Variants in TBC1D14 observed in about 807,000 individuals in gnomAD.
TBC1D14 encodes TBC1 domain family, member 14.
Under a neutral mutation model 79.0 loss-of-function variants are expected in TBC1D14, and 26 were observed. That is an observed-to-expected ratio of 0.33 (90% CI 0.24 to 0.46). The LOEUF is 0.46. Ranked by LOEUF, TBC1D14 falls within the 20% of genes least tolerant of loss-of-function variation. The pLI, the probability that TBC1D14 is intolerant of heterozygous loss-of-function variation, is 1.00. For missense variants in TBC1D14, 769 were observed against 887.6 expected, an observed-to-expected ratio of 0.87 and a Z score of 1.70; for synonymous variants, 394 against 349.9, an observed-to-expected ratio of 1.13 and a Z score of -1.40.
chr4:6,994,873 A>C lies in TBC1D14; in HGVS notation c.962+571A>C, dbSNP rs1718852959. ...GAGCAAAACTCCGTCTCAAAAAAAA[A>C]AAAAAAAAGAAGCAGTGTGTCTTCT... is the stretch of plus-strand genomic sequence containing the variant. On this transcript the variant is annotated intron_variant, in intron 4 of 13. Coordinates refer to ENST00000409757, the MANE Select transcript of TBC1D14 (RefSeq NM_020773.3). Among the ~76,000 whole-genome samples the C allele has an allele frequency of 5.3e-5, 8 of 152,236 alleles. No homozygotes were observed. The South Asian group carries it at 1.7e-3, about 32-fold the overall frequency.
Position 6,967,396 on chromosome 4 carries a change from C to T in TBC1D14, c.815C>T (p.Ala272Val), listed in dbSNP as rs1560290605. Reference protein sequence around the residue: ...LFGKAPLRENAQKDSKRIQKE... With the variant: ...LFGKAPLRENVQKDSKRIQKE... ...GGGAAAGCGCCACTCCGAGAGAATG[C>T]CCAGAAGGATTCAAAGAGAATACAG... Residue 272 changes from alanine (A) to valine (V), a missense_variant, in exon 3 of 14, where the codon GCC (alanine) becomes GTC (valine). Around this residue, in one of 2 missense-constraint regions of TBC1D14, gnomAD observed 402 missense variants for 393.2 expected, o/e 1.02. Coordinates refer to ENST00000409757, the MANE Select transcript of TBC1D14 (RefSeq NM_020773.3). 6.2e-7 allele frequency: 1 copy of T among 1,613,728 alleles called. No individual in the cohort carries two copies. Among genetic ancestry groups the T allele is most frequent in the East Asian group, 2.2e-5 (1 of 44,862 alleles).
chr4:6,935,649 T>C (rs1371442856), intron 2 of TBC1D14, among the ~76,000 whole-genome samples: 1 of 29,512 alleles, frequency 3.4e-5, no homozygotes, highest in Non-Finnish European at 8.4e-5. Flanking sequence ...GTGAGTGTAC[T>C]TTTTTTTTTT....
intron 2 of TBC1D14, among the ~76,000 whole-genome samples, chr4:6,942,001 A>C (rs887961434): frequency 6.6e-6 from 1 of 152,230 alleles, no homozygotes; most frequent in Non-Finnish European, 1.5e-5. Flanking sequence ...TGAGAAACCC[A>C]TGGGCAAGCC....
chr4:6,979,690 A>T (rs1387625480), intron 3 of TBC1D14, among the ~76,000 whole-genome samples: 1 of 152,200 alleles, frequency 6.6e-6, no homozygotes, highest in East Asian at 1.9e-4. Context: ...AATATAGAAT[A>T]TGTAGATTAA....
chr4:6,996,319 G>C lies in TBC1D14; in HGVS notation c.963-6G>C. 6.2e-7 allele frequency: 1 copy of C among 1,612,582 alleles called. No individual in the cohort carries two copies. Among genetic ancestry groups the C allele is most frequent in the South Asian group, 1.1e-5 (1 of 91,036 alleles). ...AATGGTGAAAACTCATTTCTTTCCT[G>C]TCAAGAAATCTCCCAGCAAAACCAG... On this transcript the variant is annotated splice_polypyrimidine_tract_variant and splice_region_variant and intron_variant, in intron 4 of 13. Coordinates refer to ENST00000409757, the MANE Select transcript of TBC1D14 (RefSeq NM_020773.3).
At chr4:6,988,701 C>G (rs1474279367) in intron 3 of TBC1D14, among the ~76,000 whole-genome samples, 1 of 152,144 alleles carries the variant, frequency 6.6e-6, no homozygotes, top group Non-Finnish European at 1.5e-5. Flanking sequence ...TGACCCTTTC[C>G]TCTTCTAGGT....
At chr4:6,917,241 T>C (rs1723478830) in intron 1 of TBC1D14, among the ~76,000 whole-genome samples, 1 of 152,222 alleles carries the variant, frequency 6.6e-6, no homozygotes. Context: ...TAGTAATTAA[T>C]TCAGCGAGTA....
chr4:7,026,626 G>A (rs1722404727), intron 13 of TBC1D14, among the ~76,000 whole-genome samples: 1 of 152,162 alleles, frequency 6.6e-6, no homozygotes, highest in South Asian at 2.1e-4. Context: ...GCTGGGCACA[G>A]TGGCTCACAC....
chr4:7,002,864 T>A (rs1236431432), intron 7 of TBC1D14, among the ~76,000 whole-genome samples: 2 of 152,220 alleles, frequency 1.3e-5, no homozygotes, highest in Non-Finnish European at 2.9e-5. Flanking sequence ...GGATCTTATT[T>A]AATATTGACA....
intron 2 of TBC1D14, among the ~76,000 whole-genome samples, chr4:6,929,214 T>C (rs1207468274): frequency 1.3e-5 from 2 of 152,182 alleles, no homozygotes; most frequent in Non-Finnish European, 2.9e-5. Flanking sequence ...TCAGTCTCTC[T>C]GGGGCTTAGT....
chr4:7,027,629 A>G (rs1385850381), intron 13 of TBC1D14, among the ~76,000 whole-genome samples: 10 of 111,590 alleles, frequency 9.0e-5, no homozygotes, highest in Non-Finnish European at 1.9e-4. Context: ...TCCACACACA[A>G]TCACCCCACA....
chr4:6,949,217 C>T (rs1332181074), intron 2 of TBC1D14, among the ~76,000 whole-genome samples: 2 of 152,028 alleles, frequency 1.3e-5, no homozygotes, highest in Non-Finnish European at 2.9e-5. Flanking sequence ...GTAATCCCAG[C>T]ACTTGGGAGG....
chr4:6,958,376 T>TATATACACACACACACACAC (rs538972596), intron 2 of TBC1D14, among the ~76,000 whole-genome samples: 3 of 149,112 alleles, frequency 2.0e-5, no homozygotes, highest in Non-Finnish European at 3.0e-5. Flanking sequence ...TCCCCACATA[T>TATATACACACACACACACAC]ACACACACAC....
intron 1 of TBC1D14, among the ~76,000 whole-genome samples, chr4:6,911,093 G>T (rs1397561175): frequency 6.6e-6 from 1 of 152,162 alleles, no homozygotes; most frequent in Non-Finnish European, 1.5e-5. Flanking sequence ...AGCAGTCTTA[G>T]AACACTTCCT....
chr4:6,909,841 C>A lies in TBC1D14; in HGVS notation c.-128C>A, dbSNP rs1021780256. On this transcript the variant is annotated 5_prime_UTR_variant, in exon 1 of 14. Coordinates refer to ENST00000409757, the MANE Select transcript of TBC1D14 (RefSeq NM_020773.3). ...GCTCGCGCGCACCTGCGGGTCGGAC[C>A]CGCTGCCTACCGCGTGCCCGGCGTC... The A allele has an allele frequency of 1.3e-5, 2 of 148,230 alleles. No homozygotes were observed. The highest frequency in any genetic ancestry group is 4.9e-5 in the African/African-American group (2 of 41,050). 9.2% of individuals were successfully genotyped at this position (148,230 alleles called of 1,614,324 possible).
At chr4:6,992,138 T>G (rs1361002055) in intron 3 of TBC1D14, among the ~76,000 whole-genome samples, 3 of 152,074 alleles carry the variant, frequency 2.0e-5, no homozygotes, top group African/African-American at 7.2e-5. Flanking sequence ...CCACTCAGGG[T>G]GAGGCAGGCG....
intron 8 of TBC1D14, among the ~76,000 whole-genome samples, chr4:7,005,576 G>A (rs1320173497): frequency 6.6e-6 from 1 of 152,082 alleles, no homozygotes; most frequent in Non-Finnish European, 1.5e-5. Context: ...ATGTGCACCT[G>A]TAATCCCACC....
intron 2 of TBC1D14, among the ~76,000 whole-genome samples, chr4:6,956,472 G>C (rs1466972365): frequency 6.6e-6 from 1 of 152,250 alleles, no homozygotes; most frequent in African/African-American, 2.4e-5. Context: ...CATCCCCGCT[G>C]ATGGCTCCTG....
chr4:6,938,508 G>A (rs2108967063), intron 2 of TBC1D14, among the ~76,000 whole-genome samples: 1 of 152,294 alleles, frequency 6.6e-6, no homozygotes, highest in East Asian at 1.9e-4. Flanking sequence ...CCAGCTGGCT[G>A]CCCACAGCAG....
Sources: gnomAD v4.1 joint callset for allele counts (sites outside exome capture counted in the v4.1 genomes callset) on GRCh38, gnomAD v4.1.1 for gene constraint, gnomAD v4.1.1 regional missense constraint, MANE v1.5 for transcripts, NCBI Gene and HGNC (gene_info 2026-07-23, HGNC 2026-07-21) for gene names.